The following KCNN2 variants were observed in gnomAD, a reference collection of about 807,000 sequenced individuals.
KCNN2 encodes small conductance calcium-activated potassium channel protein 2.
In KCNN2, 24 loss-of-function variants were observed where a neutral mutation model predicts 55.5. The observed-to-expected ratio is 0.43, with a 90% CI of 0.31 to 0.61. The LOEUF is 0.61. Among genes scored for constraint, KCNN2 ranks in the 20% least tolerant of loss-of-function variants. KCNN2 has a pLI of 0.08. For missense variants in KCNN2, 754 were observed against 853.6 expected, an observed-to-expected ratio of 0.88 and a Z score of 1.45; for synonymous variants, 431 against 336.1, an observed-to-expected ratio of 1.28 and a Z score of -3.09.
chr5:114,489,895 C>T (rs1468732028), intron 6 of KCNN2, among the ~76,000 whole-genome samples: 2 of 152,164 alleles, frequency 1.3e-5, no homozygotes, highest in Admixed American at 1.3e-4. Context: ...TAGATCACTC[C>T]TGGCCTCTCC....
At chr5:114,426,947 C>G (rs978233186) in intron 3 of KCNN2, among the ~76,000 whole-genome samples, 2 of 152,192 alleles carry the variant, frequency 1.3e-5, no homozygotes, top group East Asian at 3.9e-4. Flanking sequence ...ATTACACACT[C>G]ACAGCGGAAA....
intron 4 of KCNN2, among the ~76,000 whole-genome samples, chr5:114,465,207 C>T (rs1043559657): frequency 9.2e-5 from 14 of 152,144 alleles, no homozygotes; most frequent in African/African-American, 2.9e-4. Flanking sequence ...TCTTGTTCCT[C>T]GTGTCTCAAA....
chr5:114,471,831 T>C (rs1761760004), intron 4 of KCNN2, among the ~76,000 whole-genome samples: 1 of 152,174 alleles, frequency 6.6e-6, no homozygotes, highest in African/African-American at 2.4e-5. Flanking sequence ...ATCATAATGA[T>C]CAGGTCGTGT....
At chr5:114,398,599 T>G (rs776126517) in intron 2 of KCNN2, among the ~76,000 whole-genome samples, 1 of 152,102 alleles carries the variant, frequency 6.6e-6, no homozygotes, top group African/African-American at 2.4e-5. Flanking sequence ...TCATTGACAG[T>G]TTGATAGGAA....
intron 3 of KCNN2, among the ~76,000 whole-genome samples, chr5:114,440,974 G>C (rs1469465254): frequency 6.6e-6 from 1 of 151,904 alleles, no homozygotes; most frequent in African/African-American, 2.4e-5. Flanking sequence ...GTATGTCAGT[G>C]GGTTGAAAAT....
intron 2 of KCNN2, among the ~76,000 whole-genome samples, chr5:114,369,955 C>T (rs1459514047): frequency 1.3e-5 from 2 of 151,972 alleles, no homozygotes; most frequent in Admixed American, 6.6e-5. Flanking sequence ...AGGCAGCCTG[C>T]GTTGATTTAA....
At chr5:114,105,852 A>T (rs1751472251) in intron 1 of KCNN2, among the ~76,000 whole-genome samples, 1 of 150,588 alleles carries the variant, frequency 6.6e-6, no homozygotes, top group South Asian at 2.1e-4. Flanking sequence ...TGGGTTGGTT[A>T]AAAGCAGAAT....
At chr5:114,470,172 G>C (rs1761654934) in intron 4 of KCNN2, among the ~76,000 whole-genome samples, 2 of 152,136 alleles carry the variant, frequency 1.3e-5, no homozygotes, top group South Asian at 2.1e-4. Context: ...ACTTTCCAAG[G>C]CTCTTGATTC....
At chr5:114,329,728 TC>T in intron 2 of KCNN2, among the ~76,000 whole-genome samples, 1 of 152,146 alleles carries the variant, frequency 6.6e-6, no homozygotes, top group Non-Finnish European at 1.5e-5. Context: ...TATACATATA[TC>T]CTTTTAGTTC....
At chr5:114,108,568 T>C (rs1751533912) in intron 1 of KCNN2, among the ~76,000 whole-genome samples, 1 of 152,114 alleles carries the variant, frequency 6.6e-6, no homozygotes. Context: ...ACAGATTACA[T>C]TAGTTTTTCC....
chr5:114,486,979 A>G (rs1384384405), intron 5 of KCNN2, 71 bp from the exon 6 acceptor site: 10 of 1,552,570 alleles, frequency 6.4e-6, no homozygotes, highest in East Asian at 2.3e-5. Context: ...GATGAAGACT[A>G]TGACCCCCAG....
chr5:114,401,108 T>C (rs969231080), intron 2 of KCNN2, among the ~76,000 whole-genome samples: 1 of 151,922 alleles, frequency 6.6e-6, no homozygotes, highest in Non-Finnish European at 1.5e-5. Context: ...GTACACTGGA[T>C]AAGTAAATGA....
At chr5:114,282,347 A>T (rs1213110193) in intron 2 of KCNN2, among the ~76,000 whole-genome samples, 1 of 152,134 alleles carries the variant, frequency 6.6e-6, no homozygotes, top group Non-Finnish European at 1.5e-5. Context: ...GTGATGGAAC[A>T]TGACCTATTT....
chr5:114,094,849 T>G (rs1751224122), intron 1 of KCNN2, among the ~76,000 whole-genome samples: 1 of 152,158 alleles, frequency 6.6e-6, no homozygotes, highest in Non-Finnish European at 1.5e-5. Flanking sequence ...TATTGACTAT[T>G]TTTTGATGAC....
chr5:114,202,068 G>T (rs1048274594), intron 1 of KCNN2, among the ~76,000 whole-genome samples: 1 of 152,064 alleles, frequency 6.6e-6, no homozygotes, highest in Non-Finnish European at 1.5e-5. Context: ...GGATGTGTGG[G>T]GGCACCTGTT....
chr5:114,345,179 A>T (rs1396815669), intron 2 of KCNN2, among the ~76,000 whole-genome samples: 5 of 152,218 alleles, frequency 3.3e-5, no homozygotes. Flanking sequence ...ATATAGATAC[A>T]TTTCCAAAAT....
chr5:114,206,680 A>G (rs1753783318), intron 1 of KCNN2, among the ~76,000 whole-genome samples: 1 of 151,634 alleles, frequency 6.6e-6, no homozygotes, highest in South Asian at 2.1e-4. Flanking sequence ...CCCTGACTCC[A>G]GTTCATCATC....
intron 1 of KCNN2, among the ~76,000 whole-genome samples, chr5:114,173,779 A>T (rs1044062698): frequency 1.3e-5 from 2 of 151,646 alleles, no homozygotes; most frequent in South Asian, 4.2e-4. Context: ...GAATATTTTT[A>T]CTATATTATT....
chr5:114,192,047 A>G (rs1420765170), intron 1 of KCNN2, among the ~76,000 whole-genome samples: 1 of 152,212 alleles, frequency 6.6e-6, no homozygotes, highest in Non-Finnish European at 1.5e-5. Flanking sequence ...AGAAAAGTTT[A>G]CTAGCCAAAC....
Sources: allele counts gnomAD v4.1 joint callset (sites outside exome capture counted in the v4.1 genomes callset), GRCh38; gene constraint gnomAD v4.1.1; transcripts MANE v1.5; gene names NCBI Gene and HGNC (gene_info 2026-07-23, HGNC 2026-07-21).